ANKH: variants seen among roughly 807,000 people sequenced by gnomAD.
ANKH encodes the protein mineralization regulator ANKH.
Under a neutral mutation model 49.0 loss-of-function variants are expected in ANKH, and 15 were observed. The observed-to-expected ratio is 0.31, with a 90% CI of 0.20 to 0.47. ANKH has a LOEUF of 0.47. Among genes scored for constraint, ANKH ranks in the 20% least tolerant of loss-of-function variants. The pLI, the probability that ANKH is intolerant of heterozygous loss-of-function variation, is 1.00. For synonymous variants in ANKH, 273 were observed against 260.0 expected (o/e 1.05, Z -0.48); for missense variants, 429 against 652.0 (o/e 0.66, Z 3.72).
At chr5:14,848,067 G>A (rs1279881747) in intron 1 of ANKH, among the ~76,000 whole-genome samples, 1 of 152,170 alleles carries the variant, frequency 6.6e-6, no homozygotes, top group Non-Finnish European at 1.5e-5. Context: ...CTGAACCCAG[G>A]AGGCAGAGGT....
intron 1 of ANKH, among the ~76,000 whole-genome samples, chr5:14,824,322 T>C (rs1741279506): frequency 1.3e-5 from 2 of 152,050 alleles, no homozygotes; most frequent in African/African-American, 4.8e-5. Context: ...CGTTTGAAAA[T>C]AAAAACCAAA....
intron 1 of ANKH, among the ~76,000 whole-genome samples, chr5:14,827,752 A>AT (rs58139790): frequency 0.31 from 46,509 of 151,720 alleles, 7,228 homozygotes; most frequent in Admixed American, 0.36. Flanking sequence ...CCTAAGACCT[A>AT]TTTTTTTTGG....
intron 1 of ANKH, among the ~76,000 whole-genome samples, chr5:14,836,944 G>T (rs1444769280): frequency 6.6e-6 from 1 of 152,124 alleles, no homozygotes; most frequent in African/African-American, 2.4e-5. Flanking sequence ...GAACAGAACA[G>T]AGCCCTCAGA....
intron 8 of ANKH, among the ~76,000 whole-genome samples, chr5:14,739,875 GA>G (rs1738300483): frequency 6.6e-6 from 1 of 152,214 alleles, no homozygotes; most frequent in Non-Finnish European, 1.5e-5. Flanking sequence ...AATTTACCCT[GA>G]GAAACTTCAA....
intron 1 of ANKH, among the ~76,000 whole-genome samples, chr5:14,794,891 C>T (rs1296742353): frequency 2.6e-5 from 4 of 152,212 alleles, no homozygotes; most frequent in African/African-American, 4.8e-5. Flanking sequence ...GCAATGAAAA[C>T]GGAATTCCGT....
intron 1 of ANKH, among the ~76,000 whole-genome samples, chr5:14,788,392 G>A (rs1010662540): frequency 1.1e-4 from 16 of 152,192 alleles, no homozygotes; most frequent in African/African-American, 3.6e-4. Context: ...TGATTGTGAT[G>A]TATCTGCCTG....
At chr5:14,786,926 A>T (rs1157950667) in intron 1 of ANKH, among the ~76,000 whole-genome samples, 1 of 152,252 alleles carries the variant, frequency 6.6e-6, no homozygotes, top group African/African-American at 2.4e-5. Context: ...GTGTCCACCA[A>T]CATAGGAAAG....
intron 1 of ANKH, among the ~76,000 whole-genome samples, chr5:14,850,102 T>A (rs1742083280): frequency 6.6e-6 from 1 of 152,148 alleles, no homozygotes; most frequent in Non-Finnish European, 1.5e-5. Context: ...AACCCAAGAA[T>A]AATTGTCTTT....
At chr5:14,771,803 C>T (rs1739436095) in intron 1 of ANKH, among the ~76,000 whole-genome samples, 1 of 151,650 alleles carries the variant, frequency 6.6e-6, no homozygotes, top group South Asian at 2.1e-4. Context: ...CACCTATAAT[C>T]CCAGCTACTC....
At chr5:14,732,287 G>T (rs957973396) in intron 8 of ANKH, among the ~76,000 whole-genome samples, 2 of 152,036 alleles carry the variant, frequency 1.3e-5, no homozygotes, top group Non-Finnish European at 2.9e-5. Context: ...GCTGTAAATA[G>T]CAGGGGGTGA....
chr5:14,772,788 T>C (rs1016969418), intron 1 of ANKH, among the ~76,000 whole-genome samples: 18 of 152,218 alleles, frequency 1.2e-4, no homozygotes, highest in Admixed American at 1.2e-3. Flanking sequence ...AGTGGACCCA[T>C]CCCCGGATGT....
At chr5:14,724,924 C>A (rs950026753) in intron 8 of ANKH, among the ~76,000 whole-genome samples, 3 of 152,140 alleles carry the variant, frequency 2.0e-5, no homozygotes, top group African/African-American at 7.2e-5. Flanking sequence ...CCTGAATAAC[C>A]AGAATTAGCA....
At chr5:14,783,289 T>TACACACACAC (rs57904537) in intron 1 of ANKH, among the ~76,000 whole-genome samples, 5,282 of 144,554 alleles carry the variant, frequency 0.037, 133 homozygotes, top group Middle Eastern at 0.08. Flanking sequence ...GCCACCATTC[T>TACACACACAC]ACACACACAC....
rs1554004790 is a variant in ANKH at position 14,771,944 on chromosome 5, A to AAAC, written c.97-2754_97-2753insGTT. Among the ~76,000 whole-genome samples, 987 of 143,670 alleles carry AAAC rather than the reference A, an allele frequency of 6.9e-3. 14 individuals are homozygous for AAAC. The highest frequency in any genetic ancestry group is 0.01 in the South Asian group (45 of 4,394). The allele number at this position is 143,670 out of a possible 152,430, so 94.3% of individuals were successfully genotyped here. On this transcript the variant is annotated intron_variant, in intron 1 of 11. Transcript: ENST00000284268. Reference sequence around the variant, plus strand: ...AAGAAAAAAAAAAAAAAAAAAAAAAAAAACCAAAACAAAACAAAACAAAAA... The same window carrying AAAC: ...AAGAAAAAAAAAAAAAAAAAAAAAAAAACAAACCAAAACAAAACAAAACAAAAA...
rs1737330672 is a variant in ANKH at position 14,713,716 on chromosome 5, C to T, written c.1142-49G>A. 1 of 1,611,746 alleles carries T rather than the reference C, an allele frequency of 6.2e-7. No individual in the cohort carries two copies. Among genetic ancestry groups the T allele is most frequent in the Admixed American group, 1.7e-5 (1 of 59,996 alleles). On this transcript the variant is annotated intron_variant, in intron 9 of 11. Coordinates refer to ENST00000284268, the MANE Select transcript of ANKH (RefSeq NM_054027.6). The surrounding 1 kb of genome is among the most constrained non-coding windows in gnomAD (Gnocchi z 4.4). ...GTCAGCCGTGCCCGCCATCCACTCC[C>T]CATCCTGCTGCCTCTGGACCAGGGC...
chr5:14,845,367 T>TATATATATATATATATATATA (rs201739117), intron 1 of ANKH, among the ~76,000 whole-genome samples: 1 of 83,382 alleles, frequency 1.2e-5, no homozygotes, highest in Non-Finnish European at 2.2e-5. Flanking sequence ...TATATATATA[T>TATATATATATATATATATATA]TTTTTTTTTT....
chr5:14,768,552 T>C (rs1389572982), intron 2 of ANKH: 1 of 246,146 alleles, frequency 4.1e-6, no homozygotes, highest in African/African-American at 2.3e-5. Context: ...CTAGAACAAA[T>C]TAATAAATAG....
At chr5:14,821,722 A>G (rs1272927178) in intron 1 of ANKH, among the ~76,000 whole-genome samples, 1 of 152,258 alleles carries the variant, frequency 6.6e-6, no homozygotes, top group East Asian at 1.9e-4. Context: ...CACTGTGACT[A>G]TAACTGGAGT....
At position 14,855,975 on chromosome 5, in the gene ANKH, C is replaced by G. The variant is rs542408528; in HGVS notation, c.96+15377G>C. 3.0e-4 allele frequency among the ~76,000 whole-genome samples: 46 copies of G among 151,630 alleles called. 1 individual carries two copies. Among genetic ancestry groups the G allele is most frequent in the African/African-American group, 1.1e-3 (45 of 41,340 alleles). ...CTGGCTTAAAGATATCCCCTTAATG[C>G]AATTCATTGAAAAAATACAAAGCAA... is the stretch of plus-strand genomic sequence containing the variant. On this transcript the variant is annotated intron_variant, in intron 1 of 11. Coordinates refer to ENST00000284268, the MANE Select transcript of ANKH (RefSeq NM_054027.6).
Sources: gnomAD v4.1 joint callset for allele counts (sites outside exome capture counted in the v4.1 genomes callset) on GRCh38, gnomAD v4.1.1 for gene constraint, Gnocchi (gnomAD v3.1) non-coding constraint, MANE v1.5 for transcripts, NCBI Gene and HGNC (gene_info 2026-07-23, HGNC 2026-07-21) for gene names.